DNAH7: variants seen among roughly 807,000 people sequenced by gnomAD.
The protein encoded by DNAH7 is dynein axonemal heavy chain 7.
Under a neutral mutation model 444.6 loss-of-function variants are expected in DNAH7, and 397 were observed. The ratio of observed to expected loss-of-function variants is 0.89; its 90% CI spans 0.82 to 0.97. The LOEUF is 0.97. Ranked by LOEUF, DNAH7 falls within the 50% of genes least tolerant of loss-of-function variation. DNAH7 has a pLI of 0.00. For missense variants in DNAH7, 4,902 were observed against 4,800.8 expected, an observed-to-expected ratio of 1.02 and a Z score of -0.62; for synonymous variants, 1,636 against 1,624.4, an observed-to-expected ratio of 1.01 and a Z score of -0.17.
At chr2:195,839,276 T>A (rs948341463) in intron 47 of DNAH7, among the ~76,000 whole-genome samples, 1 of 151,494 alleles carries the variant, frequency 6.6e-6, no homozygotes, top group Admixed American at 6.6e-5. Context: ...GAAAAATCCA[T>A]GAATCAAAGA....
intron 57 of DNAH7, among the ~76,000 whole-genome samples, chr2:195,792,143 G>T (rs1695903383): frequency 7.2e-6 from 1 of 138,868 alleles, no homozygotes. Context: ...ATCCAACCTG[G>T]GCAATAGAGT....
At chr2:195,960,019 A>G (rs542711176) in intron 18 of DNAH7, among the ~76,000 whole-genome samples, 46 of 152,378 alleles carry the variant, frequency 3.0e-4, no homozygotes, top group African/African-American at 1.1e-3. Flanking sequence ...TTAAGATGAT[A>G]GCAAAGGATG....
chr2:195,882,905 G>A (rs568191459), intron 35 of DNAH7, among the ~76,000 whole-genome samples: 5 of 152,284 alleles, frequency 3.3e-5, no homozygotes, highest in Non-Finnish European at 7.4e-5. Context: ...GCACATGACT[G>A]TCATCTGAAG....
intron 61 of DNAH7, among the ~76,000 whole-genome samples, chr2:195,760,689 A>G (rs1694308043): frequency 6.6e-6 from 1 of 152,126 alleles, no homozygotes; most frequent in South Asian, 2.1e-4. Flanking sequence ...CAGTATCTCT[A>G]TGAGTCTGAA....
At position 195,872,300 on chromosome 2, in the gene DNAH7, G is replaced by A. The variant is rs1700759275; in HGVS notation, c.6583C>T (p.Pro2195Ser). 1.2e-6 allele frequency: 2 copies of A among 1,613,762 alleles called. No homozygotes were observed. Among genetic ancestry groups the A allele is most frequent in the Non-Finnish European group, 8.5e-7 (1 of 1,179,902 alleles). Residue 2195 changes from proline to serine, a missense_variant, in exon 40 of 65, where the codon CCA becomes TCA. Transcript: ENST00000312428. ...ACTTCTGTGGTTTCTGTTGTTTCTGGTCTTGACAAACAAACACCTTGAATG... is the reference window on the plus strand; with the variant it reads ...ACTTCTGTGGTTTCTGTTGTTTCTGATCTTGACAAACAAACACCTTGAATG... The part of the protein sequence containing the change: ...RVIQGVCLSR[P>S]ETTETTEVIK...
At chr2:195,794,637 T>C in intron 56 of DNAH7, 99 bp from the exon 57 acceptor site, 1 of 1,123,448 alleles carries the variant, frequency 8.9e-7, no homozygotes, top group East Asian at 2.5e-5. Context: ...GAGGAAGTAT[T>C]TTTACAAAGT....
At chr2:196,048,141 T>C (rs1398497062) in intron 4 of DNAH7, among the ~76,000 whole-genome samples, 155 bp downstream of exon 4, 3 of 152,218 alleles carry the variant, frequency 2.0e-5, no homozygotes, top group Non-Finnish European at 4.4e-5. Context: ...CTACAATCAA[T>C]TATTTTCTGA....
intron 12 of DNAH7, among the ~76,000 whole-genome samples, chr2:195,996,428 C>CT (rs5837486): frequency 0.17 from 24,949 of 144,544 alleles, 2,212 homozygotes; most frequent in Middle Eastern, 0.3. Context: ...CCAACTTAAT[C>CT]TTTTTTTTTT....
At chr2:195,814,723 C>A (rs1173276978) in intron 51 of DNAH7, among the ~76,000 whole-genome samples, 1 of 151,954 alleles carries the variant, frequency 6.6e-6, no homozygotes, top group Non-Finnish European at 1.5e-5. Context: ...TTAGCACTGT[C>A]GTAACTACTG....
At chr2:195,966,686 G>C (rs531646546) in intron 17 of DNAH7, among the ~76,000 whole-genome samples, 26 of 152,160 alleles carry the variant, frequency 1.7e-4, no homozygotes, top group South Asian at 4.2e-4. Context: ...ATTGATCCTT[G>C]TATCGTTATA....
chr2:195,778,733 C>CAT (rs34943791), intron 58 of DNAH7, among the ~76,000 whole-genome samples: 88,854 of 115,448 alleles, frequency 0.77, 35,541 homozygotes, highest in South Asian at 0.9. Flanking sequence ...TATATATACA[C>CAT]ATATATATAT....
At position 195,926,421 on chromosome 2, in the gene DNAH7, C is replaced by T; in HGVS notation, c.3612+5G>A. On this transcript the variant is annotated splice_donor_5th_base_variant and intron_variant, in intron 22 of 64. Transcript: ENST00000312428. ...AAAAAAACCCGAGGGTTAATAAAAC[C>T]TTACCTTTATCCCCATTGGAATAGC... The T allele has an allele frequency of 1.3e-6, 2 of 1,522,758 alleles. No homozygotes were observed. Among genetic ancestry groups the T allele is most frequent in the Non-Finnish European group, 8.8e-7 (1 of 1,139,988 alleles). The allele number at this position is 1,522,758 out of a possible 1,614,324, so 94.3% of individuals were successfully genotyped here.
chr2:195,860,560 G>A lies in DNAH7; in HGVS notation c.7736+1157C>T, dbSNP rs529835859. ...AGACCACAGTGACTATGACAGTCCT[G>A]TTGGGAGGGCACAGCAATAGTTACT... On this transcript the variant is annotated intron_variant, in intron 42 of 64. Transcript: ENST00000312428. Among the ~76,000 whole-genome samples the A allele has an allele frequency of 5.3e-4, 80 of 152,190 alleles. 1 individual carries two copies. In the South Asian group the frequency reaches 0.016, roughly 31 times the overall value.
rs1699776520 is a variant in DNAH7 at position 195,857,443 on chromosome 2, A to AT, written c.8347dup (p.Ile2783AsnfsTer22). 2 of 1,612,724 alleles carry AT rather than the reference A, an allele frequency of 1.2e-6. No individual in the cohort carries two copies. The highest frequency in any genetic ancestry group is 3.3e-5 in the Admixed American group (2 of 59,742). ...TTCGGCCGCTGTAGAAGCATTTCTG[A>AT]TTTTTTCTGGTACAAAATCTGGATT... On this transcript the variant is annotated frameshift_variant, in exon 44 of 65. Transcript: ENST00000312428. LOFTEE classifies it high-confidence loss of function.
intron 24 of DNAH7, among the ~76,000 whole-genome samples, chr2:195,917,533 A>G (rs900433952): frequency 3.9e-5 from 6 of 152,182 alleles, no homozygotes; most frequent in African/African-American, 1.4e-4. Context: ...CCCTCTTCCA[A>G]GTGTACTTTC....
chr2:196,023,686 T>C (rs62203390), intron 8 of DNAH7, among the ~76,000 whole-genome samples: 3,974 of 152,328 alleles, frequency 0.026, 71 homozygotes, highest in Middle Eastern at 0.051. Context: ...TTGTTGGTCA[T>C]GTGTTCAATG....
chr2:196,061,465 C>T (rs778023303), intron 1 of DNAH7, among the ~76,000 whole-genome samples: 19 of 152,154 alleles, frequency 1.2e-4, no homozygotes, highest in Non-Finnish European at 2.2e-4. Context: ...ACAAACCCTA[C>T]CAGAACTTCC....
At chr2:196,004,174 A>C (rs753981964) in intron 10 of DNAH7, among the ~76,000 whole-genome samples, 8 of 152,226 alleles carry the variant, frequency 5.3e-5, no homozygotes, top group Non-Finnish European at 1.0e-4. Context: ...AAAGGGAGGC[A>C]CTGAACTGGG....
In DNAH7 at chr2:195,808,771, A is replaced by G. The variant is rs367610912; in HGVS notation, c.9994T>C (p.Cys3332Arg). ...WLPQKSWDEICRLDDLPAFKT... is the reference protein window; with the variant it reads ...WLPQKSWDEIRRLDDLPAFKT... ...AAGGCAGGCAAATCATCTAATCGAC[A>G]TATTTCATCCCAGGATTTCTGAGGA... The change falls in exon 53 of 65, where the codon TGT becomes CGT. Residue 3332 changes from cysteine (C) to arginine (R), a missense_variant. Cys to Arg is a radical substitution (Grantham distance 180, BLOSUM62 -3). Transcript: ENST00000312428. The G allele has an allele frequency of 1.2e-6, 2 of 1,614,032 alleles. No homozygotes were observed. The highest frequency in any genetic ancestry group is 1.7e-5 in the Admixed American group (1 of 60,018).
Sources: gnomAD v4.1 joint callset for allele counts (sites outside exome capture counted in the v4.1 genomes callset) on GRCh38, gnomAD v4.1.1 for gene constraint, MANE v1.5 for transcripts, NCBI Gene and HGNC (gene_info 2026-07-23, HGNC 2026-07-21) for gene names.